Variants in PRKG1 observed in about 807,000 individuals in gnomAD.
PRKG1 encodes protein kinase cGMP-dependent 1.
Under a neutral mutation model 88.1 loss-of-function variants are expected in PRKG1, and 35 were observed. The ratio of observed to expected loss-of-function variants is 0.40; its 90% CI spans 0.30 to 0.53. The LOEUF (loss-of-function observed/expected upper bound fraction) is 0.53. Among genes scored for constraint, PRKG1 ranks in the 20% least tolerant of loss-of-function variants. PRKG1 has a pLI of 0.59. For missense variants in PRKG1, 540 were observed against 839.8 expected, an observed-to-expected ratio of 0.64 and a Z score of 4.41; for synonymous variants, 303 against 292.5, an observed-to-expected ratio of 1.04 and a Z score of -0.37.
intron 3 of PRKG1, among the ~76,000 whole-genome samples, chr10:51,541,040 G>C (rs1414452904): frequency 6.6e-6 from 1 of 152,054 alleles, no homozygotes; most frequent in Non-Finnish European, 1.5e-5. Flanking sequence ...TTTGTGTGGA[G>C]GTTTTTATGT....
At chr10:51,673,256 A>T (rs1182516501) in intron 3 of PRKG1, among the ~76,000 whole-genome samples, 1 of 152,200 alleles carries the variant, frequency 6.6e-6, no homozygotes, top group African/African-American at 2.4e-5. Context: ...AAGTGCTAAG[A>T]AGAAAAATTA....
chr10:51,037,871 A>G (rs1315339370), intron 1 of PRKG1, among the ~76,000 whole-genome samples: 2 of 152,236 alleles, frequency 1.3e-5, no homozygotes, highest in Admixed American at 6.5e-5. Context: ...AATTAATTAC[A>G]TGGCCTCACA....
chr10:52,229,297 T>C (rs1292964259), intron 9 of PRKG1, among the ~76,000 whole-genome samples: 1 of 152,236 alleles, frequency 6.6e-6, no homozygotes, highest in Non-Finnish European at 1.5e-5. Context: ...GATTTAGCTT[T>C]CCCCTTCTGA....
In PRKG1 at chr10:51,283,831, C is replaced by T. The variant is rs115250186; in HGVS notation, c.478+130501C>T. Among the ~76,000 whole-genome samples the T allele has an allele frequency of 4.8e-3, 734 of 152,268 alleles. 9 individuals carry two copies. Among genetic ancestry groups the T allele is most frequent in the African/African-American group, 0.017 (698 of 41,562 alleles). On this transcript the variant is annotated intron_variant, in intron 2 of 17. Coordinates refer to ENST00000373980, the MANE Select transcript of PRKG1 (RefSeq NM_006258.4). The stretch of plus-strand genomic sequence containing the variant: ...CACTCTGTTATGAACCACTCTTGCA[C>T]CATCCACTCGAGACCCCAACTCCAG...
rs150969410 is a variant in PRKG1, at chr10:51,861,976, T to A, written c.699-45531T>A. ...CCAGGCATGTGGCAAGTGGTTTCCA[T>A]GTTGGGTGCTTGCATCTAGATGAAG... On this transcript the variant is annotated intron_variant, in intron 4 of 17. Coordinates refer to ENST00000373980, the MANE Select transcript of PRKG1 (RefSeq NM_006258.4). 2.5e-3 allele frequency among the ~76,000 whole-genome samples: 379 copies of A among 152,240 alleles called. 1 individual carries two copies. The highest frequency in any genetic ancestry group is 6.8e-3 in the Middle Eastern group (2 of 294).
intron 8 of PRKG1, among the ~76,000 whole-genome samples, chr10:52,151,151 G>A (rs1007273052): frequency 2.0e-5 from 3 of 152,078 alleles, no homozygotes; most frequent in Admixed American, 6.6e-5. Flanking sequence ...TGTGTCATGC[G>A]GGTTTGGTGT....
At chr10:51,493,978 A>T (rs909155579) in intron 3 of PRKG1, among the ~76,000 whole-genome samples, 2 of 152,198 alleles carry the variant, frequency 1.3e-5, no homozygotes, top group Non-Finnish European at 2.9e-5. Context: ...ATAGGAATGG[A>T]CACCAGTTCA....
chr10:51,577,957 G>T (rs1423712227), intron 3 of PRKG1, among the ~76,000 whole-genome samples: 1 of 152,000 alleles, frequency 6.6e-6, no homozygotes, highest in African/African-American at 2.4e-5. Flanking sequence ...CCTGGAAGTT[G>T]TTTCTGTGAC....
intron 8 of PRKG1, among the ~76,000 whole-genome samples, chr10:52,148,037 A>G (rs2134769): frequency 0.68 from 103,692 of 152,052 alleles, 36,142 homozygotes; most frequent in Non-Finnish European, 0.76. Context: ...AAGGTTAAAT[A>G]TTATTTTATG....
At chr10:52,117,800 G>T (rs1236826713) in intron 7 of PRKG1, among the ~76,000 whole-genome samples, 1 of 151,684 alleles carries the variant, frequency 6.6e-6, no homozygotes, top group African/African-American at 2.4e-5. Context: ...CATGCATTTT[G>T]TGTGTGTGTG....
At chr10:51,843,367 G>A (rs1273208821) in intron 4 of PRKG1, among the ~76,000 whole-genome samples, 4 of 151,956 alleles carry the variant, frequency 2.6e-5, no homozygotes, top group Admixed American at 2.6e-4. Context: ...TTTGCGTTGG[G>A]GTATACCAAG....
chr10:51,670,613 G>T (rs1589180112), intron 3 of PRKG1, among the ~76,000 whole-genome samples: 1 of 148,496 alleles, frequency 6.7e-6, no homozygotes, highest in Non-Finnish European at 1.5e-5. Context: ...GCGGGCGCCT[G>T]TAGTCCCAGC....
At chr10:51,479,014 C>A (rs1840279903) in intron 3 of PRKG1, among the ~76,000 whole-genome samples, 1 of 151,804 alleles carries the variant, frequency 6.6e-6, no homozygotes, top group African/African-American at 2.4e-5. Context: ...GTCAAGATAC[C>A]TTAAAAGTCT....
chr10:51,068,074 C>T (rs756609985), intron 1 of PRKG1, among the ~76,000 whole-genome samples: 46 of 152,142 alleles, frequency 3.0e-4, no homozygotes, highest in Non-Finnish European at 6.0e-4. Context: ...CAGCCTGGGG[C>T]TTCTACCCTT....
chr10:51,513,071 G>T (rs1358556335), intron 3 of PRKG1, among the ~76,000 whole-genome samples: 1 of 151,368 alleles, frequency 6.6e-6, no homozygotes, highest in Non-Finnish European at 1.5e-5. Flanking sequence ...ATTTGTTTGA[G>T]TTCATTGTAG....
intron 3 of PRKG1, among the ~76,000 whole-genome samples, chr10:51,547,120 T>A (rs1230347796): frequency 6.6e-6 from 1 of 152,066 alleles, no homozygotes; most frequent in East Asian, 1.9e-4. Context: ...ATATTCACCC[T>A]AATATATACA....
chr10:51,951,767 T>C (rs1564725012), intron 5 of PRKG1, among the ~76,000 whole-genome samples: 1 of 152,184 alleles, frequency 6.6e-6, no homozygotes, highest in African/African-American at 2.4e-5. Flanking sequence ...CAACTACTGT[T>C]CTAGTTGGAA....
chr10:51,184,665 T>C (rs1837436853), intron 2 of PRKG1, among the ~76,000 whole-genome samples: 1 of 152,208 alleles, frequency 6.6e-6, no homozygotes, highest in Admixed American at 6.5e-5. Context: ...AAATATGATT[T>C]TATCAGCAGG....
At position 52,128,178 on chromosome 10, in the gene PRKG1, T is replaced by C. The variant is rs899851109; in HGVS notation, c.936-5662T>C. 3.2e-5 allele frequency: 32 copies of C among 985,386 alleles called. No individual in the cohort carries two copies. The African/African-American group carries it at 5.2e-4, about 16-fold the overall frequency. The allele number at this position is 985,386 out of a possible 1,614,324, so 61.0% of individuals were successfully genotyped here. On this transcript the variant is annotated intron_variant, in intron 7 of 17. Transcript: ENST00000373980. ...AGAGTAAAGAGCTCTGACCCCGGGA[T>C]TGCTGTAAGCTCATAAGCAACTGGA...
Sources: allele counts gnomAD v4.1 joint callset (sites outside exome capture counted in the v4.1 genomes callset), GRCh38; gene constraint gnomAD v4.1.1; transcripts MANE v1.5; gene names NCBI Gene and HGNC (gene_info 2026-07-23, HGNC 2026-07-21).